The following SSBP3 variants were observed in gnomAD, a reference collection of about 807,000 sequenced individuals.
The protein encoded by SSBP3 is single-stranded DNA-binding protein 3.
SSBP3 carries 5 observed loss-of-function variants against 69.6 expected under a neutral mutation model. The ratio of observed to expected loss-of-function variants is 0.07; its 90% CI spans 0.04 to 0.15. The LOEUF is 0.15. Among genes scored for constraint, SSBP3 ranks in the 10% least tolerant of loss-of-function variants. The pLI is 1.00. For missense variants in SSBP3, 312 were observed against 534.0 expected, an observed-to-expected ratio of 0.58 and a Z score of 4.10; for synonymous variants, 196 against 193.4, an observed-to-expected ratio of 1.01 and a Z score of -0.11.
intron 9 of SSBP3, among the ~76,000 whole-genome samples, chr1:54,251,360 G>A (rs1644825312): frequency 6.6e-6 from 1 of 152,202 alleles, no homozygotes; most frequent in Non-Finnish European, 1.5e-5. Flanking sequence ...CAACTAGAAG[G>A]CCTCAGCTGT....
intron 9 of SSBP3, among the ~76,000 whole-genome samples, chr1:54,244,049 C>A (rs149409224): frequency 1.0e-3 from 156 of 152,242 alleles, no homozygotes; most frequent in African/African-American, 3.4e-3. Flanking sequence ...CCCACCTGAG[C>A]CTCTCATGTA....
At chr1:54,245,372 C>T (rs116057542) in intron 9 of SSBP3, among the ~76,000 whole-genome samples, 3 of 152,188 alleles carry the variant, frequency 2.0e-5, no homozygotes, top group African/African-American at 7.2e-5. Context: ...CTGGATCTGC[C>T]GGCCCCCCAG....
At chr1:54,401,287 A>G (rs1403855900) in intron 4 of SSBP3, among the ~76,000 whole-genome samples, 1 of 152,176 alleles carries the variant, frequency 6.6e-6, no homozygotes, top group Admixed American at 6.5e-5. Flanking sequence ...CTAGCTTCAC[A>G]AGAATATTTT....
At chr1:54,288,470 C>A (rs529293133) in intron 4 of SSBP3, among the ~76,000 whole-genome samples, 1 of 152,092 alleles carries the variant, frequency 6.6e-6, no homozygotes, top group Admixed American at 6.5e-5. Flanking sequence ...GTCTTGATAC[C>A]TGAGCTTATT....
intron 9 of SSBP3, among the ~76,000 whole-genome samples, chr1:54,247,643 T>C (rs1353033058): frequency 6.6e-6 from 1 of 152,118 alleles, no homozygotes; most frequent in Non-Finnish European, 1.5e-5. Flanking sequence ...ACCAGGATAA[T>C]GACCTGATTC....
chr1:54,254,178 G>C (rs1447931893), intron 7 of SSBP3, among the ~76,000 whole-genome samples: 1 of 152,242 alleles, frequency 6.6e-6, no homozygotes, highest in Non-Finnish European at 1.5e-5. Context: ...AGGGGAGCGA[G>C]TTGCTCTGGG....
intron 11 of SSBP3, among the ~76,000 whole-genome samples, chr1:54,241,781 G>A (rs550863774): frequency 6.6e-6 from 1 of 152,354 alleles, no homozygotes; most frequent in Non-Finnish European, 1.5e-5. Flanking sequence ...TCCGGTTTGA[G>A]AGGGCAGGAA....
chr1:54,357,845 C>T (rs1468519514), intron 4 of SSBP3, among the ~76,000 whole-genome samples: 1 of 152,226 alleles, frequency 6.6e-6, no homozygotes, highest in East Asian at 1.9e-4. Flanking sequence ...GTTCACCTGC[C>T]TCCCAGTCTT....
chr1:54,370,080 C>T (rs921954573), intron 4 of SSBP3, among the ~76,000 whole-genome samples: 12 of 152,150 alleles, frequency 7.9e-5, no homozygotes, highest in Admixed American at 6.5e-5. Context: ...CCCAACCCTC[C>T]GTCCTCTTCA....
At chr1:54,308,624 C>A (rs1407122849) in intron 4 of SSBP3, among the ~76,000 whole-genome samples, 1 of 149,670 alleles carries the variant, frequency 6.7e-6, no homozygotes, top group South Asian at 2.1e-4. Context: ...AAAAATTAGC[C>A]GGGCGTGGTG....
intron 4 of SSBP3, among the ~76,000 whole-genome samples, chr1:54,398,363 T>C (rs895830371): frequency 1.3e-5 from 2 of 152,252 alleles, no homozygotes; most frequent in Admixed American, 6.5e-5. Flanking sequence ...ACTCATTTCT[T>C]GGCCTTCCAA....
At chr1:54,247,358 G>A (rs1371177562) in intron 9 of SSBP3, among the ~76,000 whole-genome samples, 6 of 152,182 alleles carry the variant, frequency 3.9e-5, no homozygotes, top group African/African-American at 9.6e-5. Flanking sequence ...CTACCAGAGT[G>A]GATTTGAGGC....
Position 54,316,650 on chromosome 1 carries a change from AAAAAAAAAAT to A in SSBP3, c.277-35133_277-35124del, listed in dbSNP as rs1376047583. 3.7e-4 allele frequency among the ~76,000 whole-genome samples: 19 copies of A among 51,126 alleles called. 1 individual carries two copies. Among genetic ancestry groups the A allele is most frequent in the African/African-American group, 2.7e-3 (16 of 6,018 alleles). The allele number at this position is 51,126 out of a possible 152,430, so 33.5% of individuals were successfully genotyped here. A position where few individuals can be genotyped will look rare whatever the true frequency, so the allele number is the denominator to read the frequency against. ...GCGACAGAGCGAGACTCCGTCTCAA[AAAAAAAAAAT>A]AAAATAAATAAATAAATAAATAAAT... On this transcript the variant is annotated intron_variant, in intron 4 of 17. Transcript: ENST00000610401.
intron 4 of SSBP3, among the ~76,000 whole-genome samples, chr1:54,283,278 A>G (rs1322428121): frequency 1.3e-5 from 2 of 150,552 alleles, no homozygotes; most frequent in Non-Finnish European, 3.0e-5. Flanking sequence ...CTCATAAAAA[A>G]AAAAAAAAAA....
intron 14 of SSBP3, among the ~76,000 whole-genome samples, chr1:54,233,784 G>A (rs1310884265): frequency 7.2e-5 from 11 of 151,876 alleles, no homozygotes; most frequent in African/African-American, 1.7e-4. Context: ...CCCCCTGCCC[G>A]GCCAGCCGCC....
chr1:54,356,904 C>T (rs1352840590), intron 4 of SSBP3: 1 of 152,248 alleles, frequency 6.6e-6, no homozygotes, highest in East Asian at 1.9e-4. Context: ...CTTTCCTCAG[C>T]CTCTTGGTTT....
intron 5 of SSBP3, among the ~76,000 whole-genome samples, chr1:54,262,466 A>G (rs932442512): frequency 1.3e-5 from 2 of 152,178 alleles, no homozygotes; most frequent in Non-Finnish European, 2.9e-5. Context: ...GACTTGGGAG[A>G]GCACCGAGAT....
At position 54,390,315 on chromosome 1, in the gene SSBP3, G is replaced by A. The variant is rs75042456; in HGVS notation, c.276+11546C>T. ...GAACTCACCACCCCAACTCCCAATG[G>A]TCAACCTCCCATGAAGACTGTCACT... On this transcript the variant is annotated intron_variant, in intron 4 of 17. Coordinates refer to ENST00000610401, the Ensembl canonical transcript of SSBP3. Among the ~76,000 whole-genome samples the A allele has an allele frequency of 3.9e-3, 586 of 152,006 alleles. 20 individuals are homozygous for A. In the South Asian group the frequency reaches 0.041, roughly 11 times the overall value.
chr1:54,291,165 T>C (rs1349441186), intron 4 of SSBP3, among the ~76,000 whole-genome samples: 2 of 152,146 alleles, frequency 1.3e-5, no homozygotes, highest in African/African-American at 2.4e-5. Context: ...ACTTTTTTTT[T>C]TTAAGTTTAA....
Sources: allele counts gnomAD v4.1 joint callset (sites outside exome capture counted in the v4.1 genomes callset), GRCh38; gene constraint gnomAD v4.1.1; transcripts MANE v1.5; gene names NCBI Gene and HGNC (gene_info 2026-07-23, HGNC 2026-07-21).